Variants in ZBTB46 observed in about 807,000 individuals in gnomAD.
ZBTB46 encodes the protein zinc finger and BTB domain-containing protein 46.
ZBTB46 carries 8 observed loss-of-function variants against 44.1 expected under a neutral mutation model. That is an observed-to-expected ratio of 0.18 (90% confidence interval 0.11 to 0.33). The LOEUF is 0.33. Ranked by LOEUF, ZBTB46 falls within the 10% of genes least tolerant of loss-of-function variation. ZBTB46 has a pLI of 1.00. For missense variants in ZBTB46, 651 were observed against 847.7 expected, an observed-to-expected ratio of 0.77 and a Z score of 2.88; for synonymous variants, 409 against 382.3, an observed-to-expected ratio of 1.07 and a Z score of -0.81.
intron 1 of ZBTB46, among the ~76,000 whole-genome samples, chr20:63,825,994 G>A (rs2092817532): frequency 6.6e-6 from 1 of 152,236 alleles, no homozygotes; most frequent in South Asian, 2.1e-4. Context: ...AAAGGCAGCT[G>A]TCAACACCGG....
In ZBTB46 at chr20:63,761,462, A is replaced by G. The variant is rs1398896586; in HGVS notation, c.1223-8601T>C. On this transcript the variant is annotated intron_variant, in intron 3 of 4. Transcript: ENST00000245663. The stretch of plus-strand genomic sequence containing the variant: ...TTTAGATGTGGGCCTAAAAGTTTTG[A>G]TACAGCATTTTTTCATTATCATTCA... 3.3e-5 allele frequency among the ~76,000 whole-genome samples: 5 copies of G among 152,240 alleles called. No individual in the cohort carries two copies. The Middle Eastern group carries it at 0.01, about 311-fold the overall frequency.
chr20:63,813,841 C>T (rs1187829061), intron 1 of ZBTB46, among the ~76,000 whole-genome samples: 2 of 152,184 alleles, frequency 1.3e-5, no homozygotes, highest in East Asian at 1.9e-4. Flanking sequence ...AGCATCGCGA[C>T]GCTGAGGAAG....
At chr20:63,804,722 T>C (rs1448270131) in intron 1 of ZBTB46, among the ~76,000 whole-genome samples, 1 of 151,640 alleles carries the variant, frequency 6.6e-6, no homozygotes, top group Non-Finnish European at 1.5e-5. Flanking sequence ...TGAAACCCCG[T>C]CTCTACCAAA....
intron 2 of ZBTB46, among the ~76,000 whole-genome samples, chr20:63,786,139 C>T (rs755002989): frequency 4.6e-5 from 7 of 152,312 alleles, no homozygotes; most frequent in Non-Finnish European, 1.0e-4. Context: ...CATCTGTAAA[C>T]ATCAGAATAA....
intron 1 of ZBTB46, among the ~76,000 whole-genome samples, chr20:63,819,326 C>A (rs1299361315): frequency 4.6e-5 from 7 of 152,294 alleles, no homozygotes; most frequent in African/African-American, 1.7e-4. Flanking sequence ...ATGGATGCTG[C>A]CTGCCAGCTT....
At chr20:63,814,133 T>C (rs1171017992) in intron 1 of ZBTB46, among the ~76,000 whole-genome samples, 1 of 148,684 alleles carries the variant, frequency 6.7e-6, no homozygotes, top group Admixed American at 6.8e-5. Flanking sequence ...CTAGGGAGGC[T>C]GAGGCAGGAG....
At chr20:63,775,018 A>T (rs1256848494) in intron 3 of ZBTB46, among the ~76,000 whole-genome samples, 1 of 151,028 alleles carries the variant, frequency 6.6e-6, no homozygotes, top group Non-Finnish European at 1.5e-5. Context: ...GTTTTTTTAA[A>T]CTCCGAAAGC....
At chr20:63,785,299 G>A (rs1188746643) in intron 2 of ZBTB46, among the ~76,000 whole-genome samples, 1 of 150,896 alleles carries the variant, frequency 6.6e-6, no homozygotes, top group Non-Finnish European at 1.5e-5. Flanking sequence ...ACTGGCTCAC[G>A]CCTGTAATCC....
At chr20:63,783,223 A>AT (rs1351331122) in intron 2 of ZBTB46, among the ~76,000 whole-genome samples, 7 of 151,944 alleles carry the variant, frequency 4.6e-5, no homozygotes, top group African/African-American at 1.7e-4. Flanking sequence ...AGTTCAAGAG[A>AT]TTGAGACCAG....
intron 2 of ZBTB46, among the ~76,000 whole-genome samples, chr20:63,786,306 C>T (rs1480152453): frequency 6.6e-6 from 1 of 152,186 alleles, no homozygotes; most frequent in Non-Finnish European, 1.5e-5. Context: ...CATAGAGAAA[C>T]GATTTTCCCA....
At position 63,790,275 on chromosome 20, in the gene ZBTB46, C is replaced by T. The variant is rs767392396; in HGVS notation, c.483G>A (p.Val161=). Residue 161 remains valine, a synonymous_variant, in exon 2 of 5, where the codon GTG becomes GTA. Coordinates refer to ENST00000245663, the MANE Select transcript of ZBTB46 (RefSeq NM_001369741.1). The stretch of plus-strand genomic sequence containing the variant: ...ACGGGGAGATGCTCCTCCCAGCCAT[C>T]ACGGCCGAGATGAGAGCTTCCGTGC... ...SSSTEALISA[V]MAGRSISPWL... The T allele has an allele frequency of 1.2e-6, 2 of 1,612,568 alleles. No individual in the cohort carries two copies. Among genetic ancestry groups the T allele is most frequent in the Non-Finnish European group, 1.7e-6 (2 of 1,179,720 alleles).
At chr20:63,755,994 A>G (rs1255924212) in intron 3 of ZBTB46, among the ~76,000 whole-genome samples, 1 of 152,214 alleles carries the variant, frequency 6.6e-6, no homozygotes, top group Non-Finnish European at 1.5e-5. Flanking sequence ...GGACCCCCTA[A>G]AATAGGACAT....
At chr20:63,747,540 G>A (rs1260509906) in intron 4 of ZBTB46, among the ~76,000 whole-genome samples, 2 of 131,358 alleles carry the variant, frequency 1.5e-5, no homozygotes, top group East Asian at 2.5e-4. Flanking sequence ...GGTGGGTGGG[G>A]GGGGTGCGGG....
At chr20:63,761,692 G>C (rs1392516968) in intron 3 of ZBTB46, among the ~76,000 whole-genome samples, 1 of 150,076 alleles carries the variant, frequency 6.7e-6, no homozygotes, top group Non-Finnish European at 1.5e-5. Flanking sequence ...TGCAGCAGGA[G>C]AATCACTTGA....
chr20:63,811,928 G>A (rs910825484), intron 1 of ZBTB46, among the ~76,000 whole-genome samples: 2 of 152,044 alleles, frequency 1.3e-5, no homozygotes, highest in Admixed American at 6.6e-5. Flanking sequence ...GTACTTGCCT[G>A]GGAAAAAAAA....
rs2092327978 is a variant in ZBTB46, at chr20:63,767,242, T to A, written c.1222+8436A>T. ...CTGGGTCGGAGCCACGTGGCTCCAC[T>A]TCCCACGGATGGGGACATGTTTTCC... On this transcript the variant is annotated intron_variant, in intron 3 of 4. Coordinates refer to ENST00000245663, the MANE Select transcript of ZBTB46 (RefSeq NM_001369741.1). This position sits in a 1 kb window ranked among gnomAD's most constrained non-coding sequence, Gnocchi z 5.0. Among the ~76,000 whole-genome samples the A allele has an allele frequency of 6.6e-6, 1 of 151,908 alleles. No homozygotes were observed. The highest frequency in any genetic ancestry group is 1.5e-5 in the Non-Finnish European group (1 of 67,926).
In ZBTB46 at chr20:63,767,548, C is replaced by T. The variant is rs1050581635; in HGVS notation, c.1222+8130G>A. Among the ~76,000 whole-genome samples, 8 of 152,250 alleles carry T rather than the reference C, an allele frequency of 5.3e-5. No homozygotes were observed. The highest frequency in any genetic ancestry group is 9.6e-5 in the African/African-American group (4 of 41,466). On this transcript the variant is annotated intron_variant, in intron 3 of 4. Transcript: ENST00000245663. The surrounding 1 kb of genome is among the most constrained non-coding windows in gnomAD (Gnocchi z 5.0). ...TCCCACACACTTGAGAGCTCTCTCG[C>T]CTGGGCAGCTGCACCCAGCTGGAGC... is the stretch of plus-strand genomic sequence containing the variant.
At chr20:63,771,538 C>A (rs1413351160) in intron 3 of ZBTB46, among the ~76,000 whole-genome samples, 1 of 152,118 alleles carries the variant, frequency 6.6e-6, no homozygotes, top group Non-Finnish European at 1.5e-5. Flanking sequence ...TCAGCGTCCA[C>A]CTGGGTACCG....
intron 3 of ZBTB46, among the ~76,000 whole-genome samples, chr20:63,766,361 G>A (rs867991564): frequency 4.7e-4 from 72 of 151,654 alleles, no homozygotes; most frequent in African/African-American, 1.6e-3. Context: ...GATTACAGGC[G>A]CCCGCCACCA....
Sources: gnomAD v4.1 joint callset for allele counts (sites outside exome capture counted in the v4.1 genomes callset) on GRCh38, gnomAD v4.1.1 for gene constraint, Gnocchi (gnomAD v3.1) non-coding constraint, MANE v1.5 for transcripts, NCBI Gene and HGNC (gene_info 2026-07-23, HGNC 2026-07-21) for gene names.